Variants in TMEM132D observed in about 807,000 individuals in gnomAD.
TMEM132D encodes the protein mature OL transmembrane protein.
A neutral mutation model predicts 62.3 loss-of-function variants in TMEM132D; 21 were observed. The ratio of observed to expected loss-of-function variants is 0.34; its 90% CI spans 0.24 to 0.49. The LOEUF (loss-of-function observed/expected upper bound fraction) is 0.49. TMEM132D is among the 20% of genes least tolerant of loss of function. The pLI, the probability that TMEM132D is intolerant of heterozygous loss-of-function variation, is 0.99. For synonymous variants in TMEM132D, 621 were observed against 575.6 expected, an observed-to-expected ratio of 1.08 and a Z score of -1.13; for missense variants, 1,346 against 1,402.8, an observed-to-expected ratio of 0.96 and a Z score of 0.65.
Position 129,072,674 on chromosome 12 carries a change from ACC to A in TMEM132D, c.*1199_*1200del, listed in dbSNP as rs562153571. 6.0e-5 allele frequency: 9 copies of A among 150,524 alleles called. No homozygotes were observed. Among genetic ancestry groups the A allele is most frequent in the African/African-American group, 1.7e-4 (7 of 40,598 alleles). The allele number at this position is 150,524 out of a possible 1,614,324, so 9.3% of individuals were successfully genotyped here. On this transcript the variant is annotated 3_prime_UTR_variant, in exon 9 of 9. Coordinates refer to ENST00000422113, the MANE Select transcript of TMEM132D (RefSeq NM_133448.3). ...TGGATCCACCACTTTCACACCCAGA[ACC>A]CCCCCAACTCCACACGCCCTGCACG... is the stretch of plus-strand genomic sequence containing the variant.
chr12:129,419,117 T>G (rs1346816651), intron 3 of TMEM132D, among the ~76,000 whole-genome samples: 1 of 152,180 alleles, frequency 6.6e-6, no homozygotes, highest in Admixed American at 6.5e-5. Flanking sequence ...TTTGTGGGAC[T>G]TCGTTATGTA....
chr12:129,810,143 T>A (rs574029589), intron 1 of TMEM132D, among the ~76,000 whole-genome samples: 15 of 152,268 alleles, frequency 9.9e-5, no homozygotes, highest in Middle Eastern at 3.4e-3. Context: ...ATCACTAGCA[T>A]TTTTATTAAG....
At chr12:129,192,853 AC>A (rs1334960184) in intron 5 of TMEM132D, among the ~76,000 whole-genome samples, 1 of 152,108 alleles carries the variant, frequency 6.6e-6, no homozygotes, top group East Asian at 1.9e-4. Context: ...ATACAACACT[AC>A]CATTCTAATG....
intron 1 of TMEM132D, among the ~76,000 whole-genome samples, chr12:129,894,026 A>C (rs2137396206): frequency 6.6e-6 from 1 of 152,340 alleles, no homozygotes; most frequent in Middle Eastern, 3.4e-3. Flanking sequence ...CTGGGCGTGA[A>C]GTCATTTGTC....
chr12:129,783,575 G>C (rs979108750), intron 1 of TMEM132D, among the ~76,000 whole-genome samples: 1 of 152,172 alleles, frequency 6.6e-6, no homozygotes, highest in South Asian at 2.1e-4. Flanking sequence ...TGTGCAGAGG[G>C]AGTGCTGAAG....
chr12:129,076,693 C>A (rs1207638780), intron 8 of TMEM132D, among the ~76,000 whole-genome samples: 8 of 152,222 alleles, frequency 5.3e-5, no homozygotes, highest in Admixed American at 5.2e-4. Context: ...TTCAAACGCA[C>A]AACGGAGTTC....
At chr12:129,813,379 C>T (rs1346305119) in intron 1 of TMEM132D, among the ~76,000 whole-genome samples, 1 of 151,698 alleles carries the variant, frequency 6.6e-6, no homozygotes, top group East Asian at 1.9e-4. Flanking sequence ...ATTGGCTTCC[C>T]ATTTTCCTGT....
At chr12:129,112,432 C>T (rs762094378) in intron 5 of TMEM132D, among the ~76,000 whole-genome samples, 19 of 152,168 alleles carry the variant, frequency 1.2e-4, no homozygotes, top group African/African-American at 2.2e-4. Flanking sequence ...GAGGCCAAGG[C>T]GGACGGATCA....
At chr12:129,227,308 T>C (rs1879507559) in intron 4 of TMEM132D, among the ~76,000 whole-genome samples, 2 of 128,060 alleles carry the variant, frequency 1.6e-5, no homozygotes, top group Non-Finnish European at 3.2e-5. Context: ...GAAATATATA[T>C]ATATATATAT....
intron 7 of TMEM132D, among the ~76,000 whole-genome samples, chr12:129,080,555 G>T (rs7298134): frequency 0.067 from 10,233 of 152,202 alleles, 463 homozygotes; most frequent in African/African-American, 0.12. Flanking sequence ...AATCTTCCAC[G>T]ATCCAATCTA....
chr12:129,368,190 A>C (rs922490362), intron 3 of TMEM132D, among the ~76,000 whole-genome samples: 3 of 152,180 alleles, frequency 2.0e-5, no homozygotes, highest in African/African-American at 7.2e-5. Flanking sequence ...AGCTAAAGAA[A>C]TGTAATGTCT....
In TMEM132D at chr12:129,197,817, C is replaced by G. The variant is rs1423859798; in HGVS notation, c.1443+11703G>C. ...TGAATGAAACATAAACATTTCTACA[C>G]AGCAAAGGAAACGATTAACAGTGTG... is the stretch of plus-strand genomic sequence containing the variant. On this transcript the variant is annotated intron_variant, in intron 5 of 8. Transcript: ENST00000422113. 2.6e-5 allele frequency among the ~76,000 whole-genome samples: 4 copies of G among 152,122 alleles called. No homozygotes were observed. In the East Asian group the frequency reaches 7.7e-4, roughly 29 times the overall value.
intron 4 of TMEM132D, among the ~76,000 whole-genome samples, chr12:129,275,104 A>T (rs1880969628): frequency 6.6e-6 from 1 of 151,814 alleles, no homozygotes; most frequent in Non-Finnish European, 1.5e-5. Context: ...ACAGTGTGAG[A>T]CCCCACCTTT....
chr12:129,710,150 G>A (rs1881606104), intron 1 of TMEM132D, among the ~76,000 whole-genome samples: 1 of 152,076 alleles, frequency 6.6e-6, no homozygotes, highest in South Asian at 2.1e-4. Context: ...CCACATAAAG[G>A]AAAAACTGAA....
intron 3 of TMEM132D, among the ~76,000 whole-genome samples, chr12:129,519,361 C>T (rs1875780327): frequency 6.6e-6 from 1 of 152,158 alleles, no homozygotes; most frequent in Admixed American, 6.6e-5. Context: ...GCCCTGAACA[C>T]TTACTTGAAA....
intron 5 of TMEM132D, among the ~76,000 whole-genome samples, chr12:129,125,266 G>T (rs112031964): frequency 2.1e-3 from 314 of 152,246 alleles, no homozygotes; most frequent in African/African-American, 6.9e-3. Context: ...AATTGTGTGT[G>T]ATCAGAAAGG....
rs1298526562 is a variant in TMEM132D at position 129,677,000 on chromosome 12, A to G, written c.968+22810T>C. 2.6e-5 allele frequency among the ~76,000 whole-genome samples: 4 copies of G among 152,318 alleles called. No individual in the cohort carries two copies. In the East Asian group the frequency reaches 5.8e-4, roughly 22 times the overall value. ...AAAATTTACATATCAGAATAGCTAT[A>G]TAGTATTCTGTGAATAGTATCATGT... is the stretch of plus-strand genomic sequence containing the variant. On this transcript the variant is annotated intron_variant, in intron 2 of 8. Transcript: ENST00000422113.
At chr12:129,760,606 T>C (rs7976903) in intron 1 of TMEM132D, among the ~76,000 whole-genome samples, 145,648 of 151,264 alleles carry the variant, frequency 0.96, 70,350 homozygotes, top group Middle Eastern at 1. Flanking sequence ...TCAAGCCTCC[T>C]GAAGTACTGG....
chr12:129,440,619 G>A (rs1374949002), intron 3 of TMEM132D, among the ~76,000 whole-genome samples: 2 of 152,186 alleles, frequency 1.3e-5, no homozygotes, highest in Middle Eastern at 3.2e-3. Flanking sequence ...TTGTGGATGG[G>A]AAATATCCAT....
Sources: allele counts gnomAD v4.1 joint callset (sites outside exome capture counted in the v4.1 genomes callset), GRCh38; gene constraint gnomAD v4.1.1; transcripts MANE v1.5; gene names NCBI Gene and HGNC (gene_info 2026-07-23, HGNC 2026-07-21).